ANXA3: variants seen among roughly 807,000 people sequenced by gnomAD.
The protein encoded by ANXA3 is 35-alpha calcimedin.
Under a neutral mutation model 48.8 loss-of-function variants are expected in ANXA3, and 46 were observed. The observed-to-expected ratio is 0.94, with a 90% CI of 0.74 to 1.21. The LOEUF (loss-of-function observed/expected upper bound fraction) is 1.21, where lower values mean the gene tolerates loss of function less well. Ranked by LOEUF, ANXA3 falls within the 50% of genes most tolerant of loss-of-function variation. The pLI is 0.00. For synonymous variants in ANXA3, 128 were observed against 134.7 expected (o/e 0.95, Z 0.35); for missense variants, 383 against 378.6 (o/e 1.01, Z -0.10).
chr4:78,589,325 G>A (rs1272768929), intron 6 of ANXA3, among the ~76,000 whole-genome samples: 2 of 152,134 alleles, frequency 1.3e-5, no homozygotes, highest in Non-Finnish European at 2.9e-5. Flanking sequence ...AGGCTACAAA[G>A]GATACAACTG....
At chr4:78,568,030 T>C (rs1722766543) in intron 2 of ANXA3, among the ~76,000 whole-genome samples, 1 of 152,202 alleles carries the variant, frequency 6.6e-6, no homozygotes, top group Admixed American at 6.5e-5. Flanking sequence ...CTTATAAGGA[T>C]ACCAGTGGTA....
Position 78,610,146 on chromosome 4 carries a change from T to C in ANXA3, c.*31T>C, listed in dbSNP as rs1723729368. 1 of 1,559,718 alleles carries C rather than the reference T, an allele frequency of 6.4e-7. No individual in the cohort carries two copies. Among genetic ancestry groups the C allele is most frequent in the Non-Finnish European group, 8.8e-7 (1 of 1,134,866 alleles). On this transcript the variant is annotated 3_prime_UTR_variant, in exon 13 of 13. Transcript: ENST00000264908. ...GAAGATAATCTCCAAAGGTCCACGA[T>C]GGGCTTTCCCAACAGCTCCACCTTA...
intron 10 of ANXA3, among the ~76,000 whole-genome samples, chr4:78,599,429 T>C (rs1000559236): frequency 6.6e-6 from 1 of 152,226 alleles, no homozygotes; most frequent in Non-Finnish European, 1.5e-5. Context: ...CTGAGCTGTG[T>C]CATCTTAGAA....
In ANXA3 at chr4:78,554,151, G is replaced by T. The variant is rs1025332572; in HGVS notation, c.-38-285G>T. 2.4e-5 allele frequency: 6 copies of T among 249,908 alleles called. No homozygotes were observed. In the Admixed American group the frequency reaches 2.5e-4, roughly 10 times the overall value. 15.5% of individuals were successfully genotyped at this position (249,908 alleles called of 1,614,324 possible). On this transcript the variant is annotated intron_variant, in intron 1 of 12. Coordinates refer to ENST00000264908, the MANE Select transcript of ANXA3 (RefSeq NM_005139.3). The stretch of plus-strand genomic sequence containing the variant: ...TGGACTTTAAATAAGTCAAAAATTG[G>T]CTTTTCAGGAAGTATATTTGTAAGC...
At chr4:78,560,112 AATATTTTATAATATTTTAAACACAT>A (rs1338850274) in intron 2 of ANXA3, among the ~76,000 whole-genome samples, 1 of 152,062 alleles carries the variant, frequency 6.6e-6, no homozygotes, top group Non-Finnish European at 1.5e-5. Context: ...TCTTGTTTTC[AATATTTTATAATATTTTAAACACAT>A]ATATATTTCT....
Position 78,563,770 on chromosome 4 carries a change from G to T in ANXA3, c.15+9282G>T, listed in dbSNP as rs1055318367. On this transcript the variant is annotated intron_variant, in intron 2 of 12. Coordinates refer to ENST00000264908, the MANE Select transcript of ANXA3 (RefSeq NM_005139.3). Reference sequence around the variant, plus strand: ...GGCCATTTAAGAAGATGTGGATTCTGCACTTCAGTGAGCCAAATTCCCTAT... The same window carrying T: ...GGCCATTTAAGAAGATGTGGATTCTTCACTTCAGTGAGCCAAATTCCCTAT... Among the ~76,000 whole-genome samples, 4 of 152,182 alleles carry T rather than the reference G, an allele frequency of 2.6e-5. No homozygotes were observed. The South Asian group carries it at 8.3e-4, about 31-fold the overall frequency.
chr4:78,592,238 G>A (rs921150210), intron 7 of ANXA3, among the ~76,000 whole-genome samples: 5 of 152,184 alleles, frequency 3.3e-5, no homozygotes, highest in Non-Finnish European at 5.9e-5. Context: ...TAAGGTCAAG[G>A]ATGAGGTGTA....
chr4:78,562,326 C>G (rs780759641), intron 2 of ANXA3, among the ~76,000 whole-genome samples: 11 of 152,220 alleles, frequency 7.2e-5, no homozygotes, highest in Non-Finnish European at 1.6e-4. Flanking sequence ...ATTCTCAAGT[C>G]TATCCCTTCA....
At chr4:78,553,200 C>T (rs532806036) in intron 1 of ANXA3, among the ~76,000 whole-genome samples, 2 of 152,290 alleles carry the variant, frequency 1.3e-5, no homozygotes, top group Non-Finnish European at 2.9e-5. Flanking sequence ...CAGTAGGGGT[C>T]CACTCACTAG....
intron 12 of ANXA3, among the ~76,000 whole-genome samples, chr4:78,606,793 G>C (rs893260038): frequency 1.1e-5 from 1 of 87,126 alleles, no homozygotes; most frequent in Non-Finnish European, 3.1e-5. Context: ...TACAGAAAGA[G>C]ATGCTGAGAT....
At chr4:78,583,733 T>C (rs771664666) in intron 5 of ANXA3, among the ~76,000 whole-genome samples, 1 of 152,196 alleles carries the variant, frequency 6.6e-6, no homozygotes, top group African/African-American at 2.4e-5. Context: ...GCTGGAACTC[T>C]TGGGCACAAG....
intron 6 of ANXA3, among the ~76,000 whole-genome samples, chr4:78,591,187 G>T (rs1180589149): frequency 6.6e-6 from 1 of 152,172 alleles, no homozygotes; most frequent in Non-Finnish European, 1.5e-5. Flanking sequence ...TAAGGTTAGG[G>T]TTCTCTTAGT....
intron 7 of ANXA3, 45 bp from the exon 8 acceptor site, chr4:78,595,336 C>G: frequency 6.2e-7 from 1 of 1,603,872 alleles, no homozygotes; most frequent in Non-Finnish European, 8.5e-7. Flanking sequence ...GTGTTAGAAT[C>G]TTCTATCTTT....
intron 12 of ANXA3, among the ~76,000 whole-genome samples, chr4:78,604,817 G>A (rs1414713257): frequency 6.6e-6 from 1 of 152,120 alleles, no homozygotes; most frequent in Non-Finnish European, 1.5e-5. Context: ...CAGTATATAG[G>A]AAACTTTCTC....
At chr4:78,609,940 G>C in intron 12 of ANXA3, 116 bp from the exon 13 acceptor site, 2 of 594,590 alleles carry the variant, frequency 3.4e-6, no homozygotes, top group Non-Finnish European at 5.8e-6. Flanking sequence ...TTACTAAATG[G>C]TATAGCTCAT....
chr4:78,598,833 C>A (rs888553518), intron 10 of ANXA3, among the ~76,000 whole-genome samples: 7 of 151,782 alleles, frequency 4.6e-5, no homozygotes, highest in Non-Finnish European at 2.9e-5. Context: ...AGCCACCACC[C>A]CTGGCCTATA....
chr4:78,569,825 TG>T lies in ANXA3; in HGVS notation c.16-3352del, dbSNP rs200549267. On this transcript the variant is annotated intron_variant, in intron 2 of 12. Transcript: ENST00000264908. ...AGGGGGCATTTTAGTCATAAGGTGA[TG>T]GGTTTGAGTCCTGGGGCTGTCCTTA... Among the ~76,000 whole-genome samples, 1,152 of 152,284 alleles carry T rather than the reference TG, an allele frequency of 7.6e-3. 15 individuals carry two copies. The highest frequency in any genetic ancestry group is 0.027 in the African/African-American group (1,113 of 41,554).
intron 12 of ANXA3, among the ~76,000 whole-genome samples, chr4:78,606,197 A>G (rs1723642508): frequency 6.6e-6 from 1 of 152,186 alleles, no homozygotes; most frequent in South Asian, 2.1e-4. Context: ...CTACCCTTGA[A>G]TGTCTCGAGG....
At chr4:78,595,963 T>G in intron 9 of ANXA3, 76 bp downstream of exon 9, 6 of 1,007,644 alleles carry the variant, frequency 6.0e-6, no homozygotes, top group Non-Finnish European at 9.0e-6. Flanking sequence ...TACAAAGATC[T>G]AGAAAAACGA....
Sources: gnomAD v4.1 joint callset for allele counts (sites outside exome capture counted in the v4.1 genomes callset) on GRCh38, gnomAD v4.1.1 for gene constraint, MANE v1.5 for transcripts, NCBI Gene and HGNC (gene_info 2026-07-23, HGNC 2026-07-21) for gene names.